Variants in LRMDA observed in about 807,000 individuals in gnomAD.
LRMDA encodes the protein leucine rich melanocyte differentiation associated.
Under a neutral mutation model 29.8 loss-of-function variants are expected in LRMDA, and 18 were observed. That is an observed-to-expected ratio of 0.60 (90% CI 0.42 to 0.90). The LOEUF is 0.90. LRMDA is among the 40% of genes least tolerant of loss of function. The pLI, the probability that LRMDA is intolerant of heterozygous loss-of-function variation, is 0.00. For synonymous variants in LRMDA, 125 were observed against 109.4 expected (o/e 1.14, Z -0.89); for missense variants, 273 against 273.9 (o/e 1.00, Z 0.02).
chr10:76,453,693 T>A (rs1423968955), intron 6 of LRMDA, among the ~76,000 whole-genome samples: 3 of 152,162 alleles, frequency 2.0e-5, no homozygotes, highest in Admixed American at 2.0e-4. Context: ...CACTAAAAAA[T>A]TTATGTTTTA....
In LRMDA at chr10:75,559,904, G is replaced by A. The variant is rs1274661330; in HGVS notation, c.131+121410G>A. Reference sequence around the variant, plus strand: ...TCCATTGATCTATCTCTCTGTTTTGGTACCAGTACCATGCTGTTTTGGTTA... The same window carrying A: ...TCCATTGATCTATCTCTCTGTTTTGATACCAGTACCATGCTGTTTTGGTTA... On this transcript the variant is annotated intron_variant, in intron 2 of 6. Transcript: ENST00000611255. Among the ~76,000 whole-genome samples the A allele has an allele frequency of 6.4e-5, 7 of 109,228 alleles. 1 individual carries two copies. Among genetic ancestry groups the A allele is most frequent in the African/African-American group, 1.8e-4 (7 of 37,896 alleles). 71.7% of individuals were successfully genotyped at this position (109,228 alleles called of 152,430 possible).
chr10:76,153,709 C>G (rs1451014575), intron 5 of LRMDA, among the ~76,000 whole-genome samples: 1 of 152,200 alleles, frequency 6.6e-6, no homozygotes, highest in South Asian at 2.1e-4. Context: ...ATACTAGCCT[C>G]TTCACTGGAA....
At chr10:76,085,385 T>A (rs989650264) in intron 5 of LRMDA, among the ~76,000 whole-genome samples, 6 of 152,168 alleles carry the variant, frequency 3.9e-5, no homozygotes, top group East Asian at 3.9e-4. Context: ...GGGTTTTCAT[T>A]GTGTTAGGCC....
chr10:76,128,555 C>A (rs1849928804), intron 5 of LRMDA, among the ~76,000 whole-genome samples: 1 of 152,146 alleles, frequency 6.6e-6, no homozygotes, highest in South Asian at 2.1e-4. Context: ...AGGCCAGATG[C>A]CACATCAGCT....
At chr10:76,018,313 G>A (rs947491012) in intron 2 of LRMDA, among the ~76,000 whole-genome samples, 1 of 152,136 alleles carries the variant, frequency 6.6e-6, no homozygotes, top group African/African-American at 2.4e-5. Flanking sequence ...AATGCTAACA[G>A]CACCACCCAG....
intron 5 of LRMDA, among the ~76,000 whole-genome samples, chr10:76,152,572 A>T (rs1271199405): frequency 6.6e-6 from 1 of 152,126 alleles, no homozygotes; most frequent in Non-Finnish European, 1.5e-5. Context: ...GTCATATGGT[A>T]ACTCTATGTT....
intron 2 of LRMDA, among the ~76,000 whole-genome samples, chr10:75,933,123 G>T (rs1241801088): frequency 6.6e-6 from 1 of 152,086 alleles, no homozygotes; most frequent in Non-Finnish European, 1.5e-5. Context: ...TTCTGACAGT[G>T]GGTCTGAATT....
rs148313151 is a variant in LRMDA at position 76,385,407 on chromosome 10, G to A, written c.601+60922G>A. Among the ~76,000 whole-genome samples the A allele has an allele frequency of 3.0e-4, 45 of 152,236 alleles. No homozygotes were observed. The East Asian group carries it at 7.7e-3, about 26-fold the overall frequency. On this transcript the variant is annotated intron_variant, in intron 6 of 6. Transcript: ENST00000611255. ...TTTACAGAATGCCTCATCACAGGTC[G>A]GTATCCTGGGAGACCCCAAAAGGTA...
chr10:75,670,216 T>C (rs1480897619), intron 2 of LRMDA, among the ~76,000 whole-genome samples: 3 of 152,170 alleles, frequency 2.0e-5, no homozygotes, highest in African/African-American at 4.8e-5. Context: ...GAAAACGAAA[T>C]CTCCTTCATT....
At chr10:75,597,372 G>C (rs2132088666) in intron 2 of LRMDA, among the ~76,000 whole-genome samples, 1 of 152,326 alleles carries the variant, frequency 6.6e-6, no homozygotes, top group Admixed American at 6.5e-5. Context: ...ACAATGGCCA[G>C]TGGCCTCAGA....
At chr10:76,114,004 T>A (rs1849623527) in intron 5 of LRMDA, among the ~76,000 whole-genome samples, 1 of 152,182 alleles carries the variant, frequency 6.6e-6, no homozygotes, top group Non-Finnish European at 1.5e-5. Context: ...TGCTTTGTGG[T>A]TTTTTTCGGC....
intron 2 of LRMDA, among the ~76,000 whole-genome samples, chr10:75,912,725 A>G (rs544021362): frequency 1.8e-4 from 27 of 152,272 alleles, no homozygotes; most frequent in Non-Finnish European, 3.7e-4. Flanking sequence ...CTTTGTGGGC[A>G]GTGGTGGGCT....
At chr10:75,538,317 C>T (rs1483261674) in intron 2 of LRMDA, among the ~76,000 whole-genome samples, 1 of 152,146 alleles carries the variant, frequency 6.6e-6, no homozygotes, top group Non-Finnish European at 1.5e-5. Context: ...TTGGCCGAGT[C>T]CCTGCAGCAG....
intron 2 of LRMDA, among the ~76,000 whole-genome samples, chr10:75,828,304 G>A (rs1844280790): frequency 6.6e-6 from 1 of 152,118 alleles, no homozygotes; most frequent in Admixed American, 6.5e-5. Context: ...TTGTTGGTAG[G>A]TGAAAAGAAA....
intron 3 of LRMDA, among the ~76,000 whole-genome samples, chr10:76,041,799 T>TG (rs1240836448): frequency 1.4e-4 from 21 of 151,912 alleles, no homozygotes; most frequent in Non-Finnish European, 2.9e-4. Context: ...CAGACAACAC[T>TG]GAAAAAAAAT....
At chr10:76,551,166 A>T (rs1467086166) in intron 6 of LRMDA, among the ~76,000 whole-genome samples, 1 of 151,082 alleles carries the variant, frequency 6.6e-6, no homozygotes, top group East Asian at 1.9e-4. Context: ...CTCTCTTTTC[A>T]ACTAGATGTT....
At chr10:76,288,959 A>T (rs1269148347) in intron 5 of LRMDA, among the ~76,000 whole-genome samples, 1 of 152,236 alleles carries the variant, frequency 6.6e-6, no homozygotes, top group Non-Finnish European at 1.5e-5. Context: ...ATAAAGTAGT[A>T]GTTATGGAAA....
chr10:76,103,085 C>G (rs1210477944), intron 5 of LRMDA, among the ~76,000 whole-genome samples: 2 of 152,242 alleles, frequency 1.3e-5, no homozygotes, highest in Non-Finnish European at 2.9e-5. Flanking sequence ...TGTCATATTG[C>G]TCTTTGAGTT....
At chr10:76,486,810 C>G (rs910210399) in intron 6 of LRMDA, among the ~76,000 whole-genome samples, 6 of 151,886 alleles carry the variant, frequency 4.0e-5, no homozygotes, top group African/African-American at 1.4e-4. Flanking sequence ...TATGCTGCTG[C>G]CACTGCCACA....
Sources: gnomAD v4.1 joint callset for allele counts (sites outside exome capture counted in the v4.1 genomes callset) on GRCh38, gnomAD v4.1.1 for gene constraint, MANE v1.5 for transcripts, NCBI Gene and HGNC (gene_info 2026-07-23, HGNC 2026-07-21) for gene names.